CNTN4: variants seen among roughly 807,000 people sequenced by gnomAD.
The protein encoded by CNTN4 is contactin 4, also known as contactin-4.
A neutral mutation model predicts 122.5 loss-of-function variants in CNTN4; 77 were observed. The observed-to-expected ratio is 0.63, with a 90% CI of 0.52 to 0.76. The LOEUF is 0.76. Among genes scored for constraint, CNTN4 ranks in the 30% least tolerant of loss-of-function variants. The pLI is 0.00. For synonymous variants in CNTN4, 512 were observed against 447.0 expected (o/e 1.15, Z -1.83); for missense variants, 1,256 against 1,259.1 (o/e 1.00, Z 0.04).
intron 2 of CNTN4, among the ~76,000 whole-genome samples, chr3:2,216,683 T>A (rs1303074076): frequency 6.6e-6 from 1 of 152,212 alleles, no homozygotes; most frequent in Non-Finnish European, 1.5e-5. Flanking sequence ...TGTGTGTTAC[T>A]TTTATAATGG....
intron 3 of CNTN4, among the ~76,000 whole-genome samples, chr3:2,344,120 C>T (rs1256729829): frequency 1.3e-5 from 2 of 152,146 alleles, no homozygotes; most frequent in African/African-American, 4.8e-5. Flanking sequence ...CCCCACCTCC[C>T]ATCTAGGGGT....
At position 2,498,107 on chromosome 3, in the gene CNTN4, T is replaced by A. The variant is rs1399748648; in HGVS notation, c.-88-73309T>A. 2.0e-5 allele frequency among the ~76,000 whole-genome samples: 3 copies of A among 152,222 alleles called. 1 individual carries two copies. The highest frequency in any genetic ancestry group is 4.4e-5 in the Non-Finnish European group (3 of 68,032). On this transcript the variant is annotated intron_variant, in intron 3 of 24. Coordinates refer to ENST00000418658, the MANE Select transcript of CNTN4 (RefSeq NM_175607.3). ...TGGCCAATTCATTGAATATTACTACTTAATTTCATCTTTATGTATTTTTGC... is the reference window on the plus strand; with the variant it reads ...TGGCCAATTCATTGAATATTACTACATAATTTCATCTTTATGTATTTTTGC...
chr3:2,763,566 G>A (rs183957965), intron 6 of CNTN4, among the ~76,000 whole-genome samples: 1 of 152,262 alleles, frequency 6.6e-6, no homozygotes, highest in African/African-American at 2.4e-5. Flanking sequence ...CCGTGCCTAT[G>A]TCCTGAATGG....
chr3:2,643,432 C>G (rs4685541), intron 4 of CNTN4, among the ~76,000 whole-genome samples: 24,626 of 152,110 alleles, frequency 0.16, 2,222 homozygotes, highest in Admixed American at 0.22. Flanking sequence ...CTCAGCCTCC[C>G]AAAGTGCTGG....
rs554821195 is a variant in CNTN4, at chr3:2,987,961, A to C, written c.1359-384A>C. Reference sequence around the variant, plus strand: ...ACTTTCAATGAAAAGACTTAAATTGATTAATCAAGGGATTTTTTCGTATTC... The same window carrying C: ...ACTTTCAATGAAAAGACTTAAATTGCTTAATCAAGGGATTTTTTCGTATTC... On this transcript the variant is annotated intron_variant, in intron 13 of 24. Transcript: ENST00000418658. Among the ~76,000 whole-genome samples, 5 of 152,334 alleles carry C rather than the reference A, an allele frequency of 3.3e-5. No individual in the cohort carries two copies. The East Asian group carries it at 9.6e-4, about 29-fold the overall frequency.
intron 7 of CNTN4, among the ~76,000 whole-genome samples, chr3:2,846,372 C>A (rs750239865): frequency 1.6e-4 from 25 of 152,140 alleles, no homozygotes; most frequent in Non-Finnish European, 3.5e-4. Flanking sequence ...GTCCTTCCTG[C>A]CACCATGTGA....
chr3:2,744,450 C>T (rs1325775129), intron 5 of CNTN4, among the ~76,000 whole-genome samples: 2 of 152,168 alleles, frequency 1.3e-5, no homozygotes, highest in Non-Finnish European at 2.9e-5. Flanking sequence ...ATTCCTTACT[C>T]TCATTATGGA....
intron 3 of CNTN4, among the ~76,000 whole-genome samples, chr3:2,429,428 A>C (rs749448698): frequency 6.6e-6 from 1 of 152,114 alleles, no homozygotes; most frequent in African/African-American, 2.4e-5. Flanking sequence ...TTGCTGCCTG[A>C]TCGTTCCTCT....
At position 2,394,984 on chromosome 3, in the gene CNTN4, A is replaced by G. The variant is rs200136905; in HGVS notation, c.-89+55751A>G. ...GTATTTTCGGTAGACACGGGATTTT[A>G]CCATGTTGGCCAGGCTGGTCTTGAA... On this transcript the variant is annotated intron_variant, in intron 3 of 24. Coordinates refer to ENST00000418658, the MANE Select transcript of CNTN4 (RefSeq NM_175607.3). Among the ~76,000 whole-genome samples the G allele has an allele frequency of 6.6e-5, 10 of 151,998 alleles. No individual in the cohort carries two copies. The East Asian group carries it at 1.7e-3, about 27-fold the overall frequency.
chr3:2,309,274 C>T (rs990250578), intron 2 of CNTN4, among the ~76,000 whole-genome samples: 13 of 151,884 alleles, frequency 8.6e-5, no homozygotes, highest in African/African-American at 2.2e-4. Flanking sequence ...AATGCTGTTC[C>T]AGCTCTTTTT....
intron 3 of CNTN4, among the ~76,000 whole-genome samples, chr3:2,505,459 A>C (rs935261027): frequency 6.6e-6 from 1 of 152,224 alleles, no homozygotes; most frequent in Non-Finnish European, 1.5e-5. Context: ...ATCCAAACTT[A>C]ATTACATTTT....
At chr3:2,919,366 A>C (rs1248525472) in intron 12 of CNTN4, among the ~76,000 whole-genome samples, 4 of 151,596 alleles carry the variant, frequency 2.6e-5, no homozygotes, top group African/African-American at 7.3e-5. Context: ...AAAAAAAAAA[A>C]AAAAAAAAAA....
intron 2 of CNTN4, among the ~76,000 whole-genome samples, chr3:2,245,989 C>G (rs2040130329): frequency 6.6e-6 from 1 of 151,982 alleles, no homozygotes; most frequent in Non-Finnish European, 1.5e-5. Context: ...CATGCGTGCT[C>G]TACCTTACAC....
intron 14 of CNTN4, among the ~76,000 whole-genome samples, chr3:3,011,008 G>A (rs1697171570): frequency 6.6e-6 from 1 of 152,148 alleles, no homozygotes; most frequent in Admixed American, 6.5e-5. Context: ...TATCACTTCT[G>A]CAAAGTCATG....
At chr3:2,712,795 T>C (rs2087230395) in intron 4 of CNTN4, among the ~76,000 whole-genome samples, 1 of 152,128 alleles carries the variant, frequency 6.6e-6, no homozygotes, top group African/African-American at 2.4e-5. Flanking sequence ...TCACCAGTGG[T>C]CACTGTCTTA....
chr3:2,566,086 A>G (rs1214611458), intron 3 of CNTN4, among the ~76,000 whole-genome samples: 3 of 152,192 alleles, frequency 2.0e-5, no homozygotes, highest in Admixed American at 6.5e-5. Context: ...TATCCTTTAC[A>G]TTATGAGTAT....
intron 2 of CNTN4, among the ~76,000 whole-genome samples, chr3:2,181,524 A>T (rs1247139615): frequency 6.6e-6 from 1 of 152,084 alleles, no homozygotes; most frequent in Admixed American, 6.6e-5. Flanking sequence ...CCTATGTCAC[A>T]TTGTACTTGG....
intron 3 of CNTN4, among the ~76,000 whole-genome samples, chr3:2,486,332 G>C (rs558189339): frequency 6.6e-6 from 1 of 152,158 alleles, no homozygotes; most frequent in South Asian, 2.1e-4. Context: ...AAGTCAGTGA[G>C]ACCAAGAACC....
chr3:2,301,890 T>C (rs2150075900), intron 2 of CNTN4, among the ~76,000 whole-genome samples: 1 of 152,310 alleles, frequency 6.6e-6, no homozygotes, highest in South Asian at 2.1e-4. Flanking sequence ...AGATTAGCAA[T>C]TTACGTGAGA....
Sources: allele counts gnomAD v4.1 joint callset (sites outside exome capture counted in the v4.1 genomes callset), GRCh38; gene constraint gnomAD v4.1.1; transcripts MANE v1.5; gene names NCBI Gene and HGNC (gene_info 2026-07-23, HGNC 2026-07-21).